The following PCSK5 variants were observed in gnomAD, a reference collection of about 807,000 sequenced individuals.
PCSK5 encodes the protein proprotein convertase subtilisin/kexin type 5, also known as prohormone convertase 5.
Under a neutral mutation model 233.2 loss-of-function variants are expected in PCSK5, and 129 were observed. The observed-to-expected ratio is 0.55, with a 90% CI of 0.48 to 0.64. The LOEUF (loss-of-function observed/expected upper bound fraction) is 0.64, where lower values mean the gene tolerates loss of function less well. Ranked by LOEUF, PCSK5 falls within the 30% of genes least tolerant of loss-of-function variation. The pLI, the probability that PCSK5 is intolerant of heterozygous loss-of-function variation, is 0.00. For synonymous variants in PCSK5, 825 were observed against 879.2 expected (o/e 0.94, Z 1.09); for missense variants, 2,076 against 2,430.1 (o/e 0.85, Z 3.06).
intron 20 of PCSK5, among the ~76,000 whole-genome samples, chr9:76,191,171 T>C (rs944121316): frequency 5.3e-5 from 8 of 152,174 alleles, no homozygotes; most frequent in African/African-American, 1.7e-4. Context: ...TTTAAACTAT[T>C]GTTGTTCAAA....
intron 3 of PCSK5, among the ~76,000 whole-genome samples, chr9:76,010,671 T>A (rs189553071): frequency 1.5e-3 from 221 of 152,350 alleles, no homozygotes; most frequent in African/African-American, 4.9e-3. Flanking sequence ...CATACCACTG[T>A]CAGACATGAG....
At chr9:75,971,468 C>T (rs1250748254) in intron 2 of PCSK5, among the ~76,000 whole-genome samples, 1 of 152,132 alleles carries the variant, frequency 6.6e-6, no homozygotes, top group East Asian at 1.9e-4. Context: ...ATTTCTGGGT[C>T]AGATGGTATT....
intron 1 of PCSK5, among the ~76,000 whole-genome samples, chr9:75,927,950 C>T (rs780201786): frequency 6.6e-6 from 1 of 152,134 alleles, no homozygotes; most frequent in Non-Finnish European, 1.5e-5. Context: ...GTTTACAACG[C>T]CTTTCCTAAG....
intron 2 of PCSK5, among the ~76,000 whole-genome samples, chr9:75,954,032 C>T (rs1004293473): frequency 3.9e-5 from 6 of 152,112 alleles, no homozygotes; most frequent in Admixed American, 6.5e-5. Context: ...AGGTGTTAAG[C>T]TGATAAACTT....
intron 10 of PCSK5, among the ~76,000 whole-genome samples, chr9:76,156,098 AAT>A (rs1822565413): frequency 6.6e-6 from 1 of 152,250 alleles, no homozygotes. Flanking sequence ...ATGTGATGAT[AAT>A]AAAAAATGTT....
At chr9:75,913,426 G>C (rs1822844596) in intron 1 of PCSK5, among the ~76,000 whole-genome samples, 1 of 152,134 alleles carries the variant, frequency 6.6e-6, no homozygotes, top group African/African-American at 2.4e-5. Flanking sequence ...TTGATATTTA[G>C]TGTCACGTAT....
chr9:76,298,907 G>C (rs544150806), intron 27 of PCSK5, among the ~76,000 whole-genome samples: 17 of 152,188 alleles, frequency 1.1e-4, no homozygotes, highest in Non-Finnish European at 2.4e-4. Flanking sequence ...GGAAAGGTAA[G>C]ATGACACACA....
intron 2 of PCSK5, among the ~76,000 whole-genome samples, chr9:75,967,897 G>T (rs904984244): frequency 6.6e-6 from 1 of 152,104 alleles, no homozygotes; most frequent in Non-Finnish European, 1.5e-5. Flanking sequence ...TGAATAGCTG[G>T]GATTACAGGC....
intron 2 of PCSK5, among the ~76,000 whole-genome samples, chr9:75,939,733 A>G (rs186183712): frequency 1.3e-5 from 2 of 152,350 alleles, no homozygotes; most frequent in East Asian, 3.9e-4. Flanking sequence ...GTGGTTAATT[A>G]CATAAGCATA....
At chr9:75,928,676 G>A (rs1327766817) in intron 1 of PCSK5, among the ~76,000 whole-genome samples, 1 of 139,508 alleles carries the variant, frequency 7.2e-6, no homozygotes, top group Non-Finnish European at 1.5e-5. Context: ...TTTGGTTGGG[G>A]CAGAGTAATT....
At chr9:76,174,337 T>A (rs971100274) in intron 13 of PCSK5, among the ~76,000 whole-genome samples, 3 of 151,670 alleles carry the variant, frequency 2.0e-5, no homozygotes, top group Non-Finnish European at 4.4e-5. Context: ...GATGGAGTGT[T>A]GCCCTGTTGC....
chr9:76,292,879 A>G (rs547957135), intron 25 of PCSK5, among the ~76,000 whole-genome samples: 1 of 152,336 alleles, frequency 6.6e-6, no homozygotes, highest in African/African-American at 2.4e-5. Flanking sequence ...GGAGCTGCAA[A>G]GGAAAGGAAG....
chr9:76,058,517 T>C (rs1171529015), intron 5 of PCSK5, among the ~76,000 whole-genome samples: 4 of 152,216 alleles, frequency 2.6e-5, no homozygotes, highest in Non-Finnish European at 5.9e-5. Context: ...TTTACACCTG[T>C]AATTCCTATT....
chr9:76,061,785 C>A (rs2131581528), intron 5 of PCSK5, among the ~76,000 whole-genome samples: 1 of 152,066 alleles, frequency 6.6e-6, no homozygotes, highest in Middle Eastern at 3.4e-3. Context: ...ATAGATATCC[C>A]AATTACATTG....
intron 24 of PCSK5, among the ~76,000 whole-genome samples, chr9:76,257,161 C>T (rs1827009350): frequency 6.6e-6 from 1 of 152,188 alleles, no homozygotes; most frequent in Non-Finnish European, 1.5e-5. Context: ...AACAGGGAGG[C>T]ACTCAGTAAC....
intron 5 of PCSK5, among the ~76,000 whole-genome samples, chr9:76,066,314 G>A (rs930227325): frequency 2.4e-4 from 37 of 151,974 alleles, no homozygotes; most frequent in African/African-American, 7.3e-4. Context: ...TCTTTGATCC[G>A]TTTTTTATAG....
At chr9:76,341,515 A>C (rs1420927596) in intron 35 of PCSK5, among the ~76,000 whole-genome samples, 1 of 151,984 alleles carries the variant, frequency 6.6e-6, no homozygotes, top group Non-Finnish European at 1.5e-5. Flanking sequence ...GCTGATCTTG[A>C]ACTCCTGGGC....
intron 3 of PCSK5, among the ~76,000 whole-genome samples, chr9:76,023,342 G>C (rs556650659): frequency 3.0e-4 from 45 of 152,178 alleles, no homozygotes; most frequent in African/African-American, 9.6e-4. Flanking sequence ...TAGACAATGT[G>C]CCAAATTGCT....
At chr9:75,970,409 C>T (rs1369770344) in intron 2 of PCSK5, among the ~76,000 whole-genome samples, 1 of 152,122 alleles carries the variant, frequency 6.6e-6, no homozygotes, top group Non-Finnish European at 1.5e-5. Flanking sequence ...TCATCATTGC[C>T]AAGGCTGTGC....
Sources: allele counts gnomAD v4.1 joint callset (sites outside exome capture counted in the v4.1 genomes callset), GRCh38; gene constraint gnomAD v4.1.1; transcripts MANE v1.5; gene names NCBI Gene and HGNC (gene_info 2026-07-23, HGNC 2026-07-21).